Variants in SLC12A8 observed in about 807,000 individuals in gnomAD.
SLC12A8 encodes cation-chloride cotransporter 9.
A neutral mutation model predicts 75.6 loss-of-function variants in SLC12A8; 69 were observed. The observed-to-expected ratio is 0.91, with a 90% confidence interval of 0.75 to 1.11. The LOEUF is 1.11. Among genes scored for constraint, SLC12A8 ranks in the 50% most tolerant of loss-of-function variants. The pLI is 0.00. For synonymous variants in SLC12A8, 365 were observed against 372.8 expected, an observed-to-expected ratio of 0.98 and a Z score of 0.24; for missense variants, 877 against 896.7, an observed-to-expected ratio of 0.98 and a Z score of 0.28.
intron 2 of SLC12A8, among the ~76,000 whole-genome samples, chr3:125,202,559 C>T (rs755189413): frequency 1.3e-5 from 2 of 151,810 alleles, no homozygotes; most frequent in Non-Finnish European, 2.9e-5. Context: ...ATGAAATTTA[C>T]CTTAAGGCAG....
intron 5 of SLC12A8, among the ~76,000 whole-genome samples, chr3:125,175,351 G>C (rs1202156458): frequency 6.6e-6 from 1 of 152,046 alleles, no homozygotes; most frequent in Non-Finnish European, 1.5e-5. Context: ...TAACCACAAA[G>C]AAAATATCCC....
At chr3:125,169,989 G>C (rs1008625271) in intron 5 of SLC12A8, among the ~76,000 whole-genome samples, 1 of 138,802 alleles carries the variant, frequency 7.2e-6, no homozygotes, top group Non-Finnish European at 1.5e-5. Context: ...AGCAAAAACA[G>C]GGAAAGATTA....
At position 125,181,328 on chromosome 3, in the gene SLC12A8, G is replaced by A. The variant is rs534164099; in HGVS notation, c.391-3354C>T. Reference sequence around the variant, plus strand: ...AGTTAAAAAGAAAAATAGGCCAGGCGCGGTGGCTCACGCCTGTAATCCCAG... The same window carrying A: ...AGTTAAAAAGAAAAATAGGCCAGGCACGGTGGCTCACGCCTGTAATCCCAG... On this transcript the variant is annotated intron_variant, in intron 4 of 13. Coordinates refer to ENST00000469902, the MANE Select transcript of SLC12A8 (RefSeq NM_024628.6). Among the ~76,000 whole-genome samples the A allele has an allele frequency of 1.6e-4, 25 of 152,042 alleles. No individual in the cohort carries two copies. In the South Asian group the frequency reaches 3.1e-3, roughly 19 times the overall value.
intron 1 of SLC12A8, among the ~76,000 whole-genome samples, chr3:125,212,399 G>A (rs1405394614): frequency 2.0e-5 from 3 of 151,428 alleles, no homozygotes; most frequent in Non-Finnish European, 4.4e-5. Context: ...CGCGGCCTCC[G>A]CAGGCCGCCC....
Position 125,177,903 on chromosome 3 carries a change from G to C in SLC12A8, c.462C>G (p.Ile154Met). Residue 154 changes from isoleucine to methionine, a missense_variant, in exon 5 of 14, where the codon ATC becomes ATG. Physicochemically the swap from Ile to Met is conservative, Grantham distance 10 (BLOSUM62 1). Transcript: ENST00000469902. The part of the protein sequence containing the change: ...SISDLLGLGN[I>M]WAVRGISVAV... ...CAACTGAAATTCCTCGCACAGCCCA[G>C]ATATTCCCGAGGCCCAGCAAATCCG... 1 of 1,614,156 alleles carries C rather than the reference G, an allele frequency of 6.2e-7. No homozygotes were observed.
intron 2 of SLC12A8, among the ~76,000 whole-genome samples, chr3:125,203,470 C>T (rs776306697): frequency 7.2e-5 from 11 of 152,126 alleles, no homozygotes; most frequent in Non-Finnish European, 1.5e-4. Flanking sequence ...ACAAAGGTGC[C>T]AAGGACATAT....
At chr3:125,131,640 A>T (rs1933360891) in intron 6 of SLC12A8, among the ~76,000 whole-genome samples, 2 of 152,124 alleles carry the variant, frequency 1.3e-5, no homozygotes, top group Non-Finnish European at 1.5e-5. Flanking sequence ...TGCCCACGTC[A>T]TCCTCCCAAA....
At chr3:125,087,158 G>A (rs957402185) in intron 13 of SLC12A8, among the ~76,000 whole-genome samples, 1 of 146,916 alleles carries the variant, frequency 6.8e-6, no homozygotes, top group South Asian at 2.2e-4. Context: ...TCAGTGGCAC[G>A]ATCCCGGCTC....
intron 5 of SLC12A8, among the ~76,000 whole-genome samples, chr3:125,142,587 G>T (rs1162145558): frequency 6.6e-6 from 1 of 152,192 alleles, no homozygotes; most frequent in Non-Finnish European, 1.5e-5. Context: ...ACCAGGGTTC[G>T]GGCCCTGGTT....
At chr3:125,110,621 A>C (rs1472989160) in intron 8 of SLC12A8, 6 of 251,154 alleles carry the variant, frequency 2.4e-5, no homozygotes, top group Non-Finnish European at 4.6e-5. Context: ...CCCTCCTCAG[A>C]GTTCCTGGTT....
chr3:125,145,148 G>A (rs749339458), intron 5 of SLC12A8, among the ~76,000 whole-genome samples: 13 of 152,198 alleles, frequency 8.5e-5, no homozygotes, highest in South Asian at 2.1e-4. Context: ...AGATGCCCAC[G>A]TCACAAAGTT....
At chr3:125,175,601 G>A (rs1203499604) in intron 5 of SLC12A8, among the ~76,000 whole-genome samples, 1 of 152,098 alleles carries the variant, frequency 6.6e-6, no homozygotes, top group Non-Finnish European at 1.5e-5. Context: ...TTCACTAATT[G>A]AGCTCTTCCA....
chr3:125,091,733 G>A (rs1465870816), intron 11 of SLC12A8, among the ~76,000 whole-genome samples, 177 bp from the exon 12 acceptor site: 1 of 152,024 alleles, frequency 6.6e-6, no homozygotes, highest in Non-Finnish European at 1.5e-5. Context: ...CAGATATTTG[G>A]GCAGACACCT....
At chr3:125,146,717 C>T (rs1424908365) in intron 5 of SLC12A8, among the ~76,000 whole-genome samples, 1 of 152,232 alleles carries the variant, frequency 6.6e-6, no homozygotes, top group Non-Finnish European at 1.5e-5. Flanking sequence ...CGGCTCACTG[C>T]AGCCTCCACC....
chr3:125,123,704 C>T (rs1364401561), intron 6 of SLC12A8: 1 of 152,126 alleles, frequency 6.6e-6, no homozygotes, highest in African/African-American at 2.4e-5. Flanking sequence ...GGGAAAGAGA[C>T]TCACCCTCAT....
chr3:125,107,453 G>A (rs1326220848), intron 10 of SLC12A8, 28 bp downstream of exon 10: 1 of 1,568,342 alleles, frequency 6.4e-7, no homozygotes, highest in Non-Finnish European at 8.7e-7. Flanking sequence ...CCAAATAAGA[G>A]GCCCCAGTGT....
At chr3:125,187,132 G>A (rs776074328) in intron 4 of SLC12A8, 105 bp downstream of exon 4, 63 of 1,142,700 alleles carry the variant, frequency 5.5e-5, no homozygotes, top group African/African-American at 2.7e-4. Context: ...TGTCACATGC[G>A]GCAATTGTCC....
At chr3:125,148,660 AG>A (rs1251577562) in intron 5 of SLC12A8, among the ~76,000 whole-genome samples, 18 of 152,200 alleles carry the variant, frequency 1.2e-4, no homozygotes, top group Admixed American at 1.2e-3. Flanking sequence ...CAGCACTCAC[AG>A]GCTGCTCGCA....
At chr3:125,115,819 C>T (rs1036960283) in intron 8 of SLC12A8, among the ~76,000 whole-genome samples, 10 of 143,932 alleles carry the variant, frequency 6.9e-5, no homozygotes, top group East Asian at 1.9e-4. Flanking sequence ...AGGTGATGCG[C>T]GGGGCACACA....
Sources: gnomAD v4.1 joint callset for allele counts (sites outside exome capture counted in the v4.1 genomes callset) on GRCh38, gnomAD v4.1.1 for gene constraint, MANE v1.5 for transcripts, NCBI Gene and HGNC (gene_info 2026-07-23, HGNC 2026-07-21) for gene names.